The following ACAD8 variants were observed in gnomAD, a reference collection of about 807,000 sequenced individuals.
ACAD8 encodes the protein isobutyryl-CoA dehydrogenase, mitochondrial.
Under a neutral mutation model 53.1 loss-of-function variants are expected in ACAD8, and 47 were observed. That is an observed-to-expected ratio of 0.89 (90% confidence interval 0.70 to 1.13). ACAD8 has a LOEUF of 1.13. Among genes scored for constraint, ACAD8 ranks in the 50% most tolerant of loss-of-function variants. The pLI is 0.00. For missense variants in ACAD8, 494 were observed against 535.0 expected, an observed-to-expected ratio of 0.92 and a Z score of 0.76; for synonymous variants, 198 against 201.3, an observed-to-expected ratio of 0.98 and a Z score of 0.14.
At chr11:134,262,221 A>G (rs2136083946) in intron 9 of ACAD8, 1 of 646,924 alleles carries the variant, frequency 1.5e-6, no homozygotes, top group Non-Finnish European at 2.9e-6. Context: ...ACTAGGGGGA[A>G]CCATAGCTTT....
rs1337484908 is a variant in ACAD8 at position 134,263,543 on chromosome 11, CA to C, written c.1195+922del. The C allele has an allele frequency of 4.1e-6, 4 of 985,536 alleles. No homozygotes were observed. The East Asian group carries it at 4.5e-4, about 112-fold the overall frequency. 61.0% of individuals were successfully genotyped at this position (985,536 alleles called of 1,614,324 possible). ...CGCTCTGGTGTTAATGTCAGAGTCA[CA>C]GGCTACCACAGGTTAGACCGCTGCT... On this transcript the variant is annotated intron_variant, in intron 10 of 10. Coordinates refer to ENST00000281182, the MANE Select transcript of ACAD8 (RefSeq NM_014384.3).
chr11:134,265,042 G>C lies in ACAD8; in HGVS notation c.*82G>C, dbSNP rs964955100. 1.7e-4 allele frequency: 251 copies of C among 1,469,904 alleles called. No homozygotes were observed. In the Admixed American group the frequency reaches 4.1e-3, roughly 24 times the overall value. 91.1% of individuals were successfully genotyped at this position (1,469,904 alleles called of 1,614,324 possible). A position where few individuals can be genotyped will look rare whatever the true frequency, so the allele number is the denominator to read the frequency against. ...GCCATGTGGGCCGCTCTATTCCAAAGGAATCATGGATTAGACCCAAGGGCT... is the reference window on the plus strand; with the variant it reads ...GCCATGTGGGCCGCTCTATTCCAAACGAATCATGGATTAGACCCAAGGGCT... On this transcript the variant is annotated 3_prime_UTR_variant, in exon 11 of 11. Transcript: ENST00000281182.
In ACAD8 at chr11:134,261,774, C is replaced by T. The variant is rs914784637; in HGVS notation, c.976C>T (p.Leu326=). ...CACACTGGCTGATATGGCAACAAGG[C>T]TGGTGGCCGCGCGGCTGATGGTCCG... is the stretch of plus-strand genomic sequence containing the variant. The part of the protein sequence containing the change: ...QFTLADMATR[L]VAARLMVRNA... The change falls in exon 9 of 11, where the codon CTG becomes TTG. Residue 326 remains leucine (L), a synonymous_variant. Transcript: ENST00000281182. The surrounding 1 kb of genome is among the most constrained non-coding windows in gnomAD (Gnocchi z 4.2). 1.2e-6 allele frequency: 2 copies of T among 1,614,112 alleles called. No homozygotes were observed. The highest frequency in any genetic ancestry group is 1.7e-5 in the Admixed American group (1 of 60,010).
chr11:134,253,695 C>T lies in ACAD8; in HGVS notation c.95C>T (p.Thr32Ile). The T allele has an allele frequency of 6.3e-7, 1 of 1,598,718 alleles. No homozygotes were observed. The highest frequency in any genetic ancestry group is 8.5e-7 in the Non-Finnish European group (1 of 1,173,652). ...GTCCAGACCGGCCACCGGAGCTTGA[C>T]CTCCTGCATCGACCGTAAGGATCTC... ...VLVQTGHRSLTSCIDPSMGLN... is the reference protein window; with the variant it reads ...VLVQTGHRSLISCIDPSMGLN... Residue 32 changes from threonine (T) to isoleucine (I), a missense_variant, in exon 1 of 11, where the codon ACC becomes ATC. Transcript: ENST00000281182.
intron 1 of ACAD8, among the ~76,000 whole-genome samples, chr11:134,255,575 C>T (rs1939481467): frequency 6.6e-6 from 1 of 152,250 alleles, no homozygotes; most frequent in African/African-American, 2.4e-5. Context: ...GGCCTGACCC[C>T]AGTCAGAGAA....
intron 6 of ACAD8, chr11:134,259,951 T>TG: frequency 7.0e-7 from 1 of 1,427,568 alleles, no homozygotes; most frequent in South Asian, 1.3e-5. Flanking sequence ...TGACAATGTT[T>TG]GCCAGTAAAT....
rs1272873314 is a variant in ACAD8, at chr11:134,265,804, C to A, written c.*844C>A. 2 of 152,130 alleles carry A rather than the reference C, an allele frequency of 1.3e-5. No homozygotes were observed. Among genetic ancestry groups the A allele is most frequent in the Non-Finnish European group, 2.9e-5 (2 of 68,028 alleles). 9.4% of individuals were successfully genotyped at this position (152,130 alleles called of 1,614,324 possible). On this transcript the variant is annotated 3_prime_UTR_variant, in exon 11 of 11. Coordinates refer to ENST00000281182, the MANE Select transcript of ACAD8 (RefSeq NM_014384.3). ...ATGTTTAATTGTATTTGATTAAACA[C>A]TTAACTGGATTTTGGAATAATAAAA...
chr11:134,256,551 C>A lies in ACAD8; in HGVS notation c.113C>A (p.Ser38Tyr). ...HRSLTSCIDPSMGLNEEQKEF... is the reference protein window; with the variant it reads ...HRSLTSCIDPYMGLNEEQKEF... The stretch of plus-strand genomic sequence containing the variant: ...GTATATGCAATCCTGCCCACAGCTT[C>A]CATGGGACTTAATGAAGAGCAGAAA... The change falls in exon 2 of 11, where the codon TCC becomes TAC. Residue 38 changes from serine (S) to tyrosine (Y), a missense_variant. Ser to Tyr is a moderately radical substitution (Grantham distance 144, BLOSUM62 -2). Transcript: ENST00000281182. The A allele has an allele frequency of 6.2e-7, 1 of 1,614,016 alleles. No individual in the cohort carries two copies. Among genetic ancestry groups the A allele is most frequent in the Non-Finnish European group, 8.5e-7 (1 of 1,179,872 alleles).
chr11:134,261,532 A>G lies in ACAD8; in HGVS notation c.939+160A>G. On this transcript the variant is annotated intron_variant, in intron 8 of 10. Transcript: ENST00000281182. The surrounding 1 kb of genome is among the most constrained non-coding windows in gnomAD (Gnocchi z 4.2). ...TTATTTCTGTCCATCTTTTCTTGGG[A>G]TATCTTTAACGATATTAAAGTGTCG... 6.7e-7 allele frequency: 1 copy of G among 1,501,264 alleles called. No homozygotes were observed. The highest frequency in any genetic ancestry group is 9.1e-7 in the Non-Finnish European group (1 of 1,104,458). The allele number at this position is 1,501,264 out of a possible 1,614,324, so 93.0% of individuals were successfully genotyped here. A position where few individuals can be genotyped will look rare whatever the true frequency, so the allele number is the denominator to read the frequency against.
intron 9 of ACAD8, chr11:134,262,164 C>G (rs1939919099): frequency 1.5e-6 from 1 of 663,184 alleles, no homozygotes; most frequent in African/African-American, 1.8e-5. Context: ...TTCACAGCAG[C>G]CCCAATTTAG....
rs144566960 is a variant in ACAD8, at chr11:134,261,301, G to A, written c.868G>A (p.Ala290Thr). 6.2e-6 allele frequency: 10 copies of A among 1,614,148 alleles called. No homozygotes were observed. Among genetic ancestry groups the A allele is most frequent in the Middle Eastern group, 1.6e-4 (1 of 6,062 alleles). ...IASCSLGAAH[A>T]SVILTRDHLN... Reference sequence around the variant, plus strand: ...TTCCTGCTCCCTGGGGGCTGCCCACGCCTCTGTCATCCTCACCCGAGACCA... The same window carrying A: ...TTCCTGCTCCCTGGGGGCTGCCCACACCTCTGTCATCCTCACCCGAGACCA... The change falls in exon 8 of 11, where the codon GCC becomes ACC. Residue 290 changes from alanine (A) to threonine (T), a missense_variant. Transcript: ENST00000281182. This position sits in a 1 kb window ranked among gnomAD's most constrained non-coding sequence, Gnocchi z 4.2.
chr11:134,262,837 T>C (rs1409356127), intron 10 of ACAD8: 11 of 1,441,758 alleles, frequency 7.6e-6, no homozygotes, highest in East Asian at 3.1e-5. Context: ...CTCAGATCGC[T>C]CTGCTGCTGC....
At chr11:134,263,055 G>A in intron 10 of ACAD8, 1 of 1,175,440 alleles carries the variant, frequency 8.5e-7, no homozygotes, top group Non-Finnish European at 1.1e-6. Flanking sequence ...AAAGATACCT[G>A]TCTCAATATT....
intron 6 of ACAD8, 120 bp downstream of exon 6, chr11:134,259,865 T>G (rs1306393915): frequency 1.3e-6 from 2 of 1,548,954 alleles, no homozygotes; most frequent in East Asian, 2.3e-5. Context: ...TTGAAGCAGT[T>G]GCTTCTATTA....
rs1940119272 is a variant in ACAD8, at chr11:134,265,312, T to TC, written c.*354dup. The TC allele has an allele frequency of 3.4e-5, 10 of 291,390 alleles. No individual in the cohort carries two copies. In the South Asian group the frequency reaches 5.4e-4, roughly 16 times the overall value. 18.1% of individuals were successfully genotyped at this position (291,390 alleles called of 1,614,324 possible). A position where few individuals can be genotyped will look rare whatever the true frequency, so the allele number is the denominator to read the frequency against. ...GCATTTTACTAGTTCACTGGATCCC[T>TC]CCTCTAGGGGCCTGGGGACTTTCAC... On this transcript the variant is annotated 3_prime_UTR_variant, in exon 11 of 11. Coordinates refer to ENST00000281182, the MANE Select transcript of ACAD8 (RefSeq NM_014384.3).
chr11:134,261,985 T>G lies in ACAD8; in HGVS notation c.1092+95T>G. 7.1e-7 allele frequency: 1 copy of G among 1,408,756 alleles called. No individual in the cohort carries two copies. The highest frequency in any genetic ancestry group is 1.2e-5 in the South Asian group (1 of 83,318). The allele number at this position is 1,408,756 out of a possible 1,614,324, so 87.3% of individuals were successfully genotyped here. On this transcript the variant is annotated intron_variant, in intron 9 of 10. Coordinates refer to ENST00000281182, the MANE Select transcript of ACAD8 (RefSeq NM_014384.3). The surrounding 1 kb of genome is among the most constrained non-coding windows in gnomAD (Gnocchi z 4.2). ...ATGAGTCAGATTTGGAACCCAGCCC[T>G]CCTGGAATCCCACAAGGATCACCTT...
intron 3 of ACAD8, 151 bp from the exon 4 acceptor site, chr11:134,258,363 TA>T (rs1301783813): frequency 1.4e-6 from 1 of 691,516 alleles, no homozygotes; most frequent in Non-Finnish European, 2.6e-6. Flanking sequence ...CGTTTGCCTT[TA>T]AAGAGTCTTC....
chr11:134,261,015 G>A lies in ACAD8; in HGVS notation c.706-29G>A. On this transcript the variant is annotated intron_variant, in intron 6 of 10. Coordinates refer to ENST00000281182, the MANE Select transcript of ACAD8 (RefSeq NM_014384.3). The surrounding 1 kb of genome is among the most constrained non-coding windows in gnomAD (Gnocchi z 4.2). ...GCCGCCCTACCTGCTGGATTGTTGG[G>A]CAACCACGCAGTCCCTGATTTTTGC... 6.2e-7 allele frequency: 1 copy of A among 1,609,544 alleles called. No individual in the cohort carries two copies. The highest frequency in any genetic ancestry group is 8.5e-7 in the Non-Finnish European group (1 of 1,178,004).
Position 134,257,107 on chromosome 11 carries a change from T to C in ACAD8, c.230T>C (p.Val77Ala). The C allele has an allele frequency of 1.9e-6, 3 of 1,614,188 alleles. No individual in the cohort carries two copies. In the South Asian group the frequency reaches 3.3e-5, roughly 18 times the overall value. Reference sequence around the variant, plus strand: ...ACATAGGAGCTGTTCCCAGTGGATGTGATGCGGAAGGCAGCCCAGCTAGGC... The same window carrying C: ...ACATAGGAGCTGTTCCCAGTGGATGCGATGCGGAAGGCAGCCCAGCTAGGC... ...WDQKELFPVD[V>A]MRKAAQLGFG... Residue 77 changes from valine to alanine, a missense_variant, in exon 3 of 11, where the codon GTG (valine) becomes GCG (alanine). Coordinates refer to ENST00000281182, the MANE Select transcript of ACAD8 (RefSeq NM_014384.3).
Sources: gnomAD v4.1 joint callset for allele counts (sites outside exome capture counted in the v4.1 genomes callset) on GRCh38, gnomAD v4.1.1 for gene constraint, Gnocchi (gnomAD v3.1) non-coding constraint, MANE v1.5 for transcripts, NCBI Gene and HGNC (gene_info 2026-07-23, HGNC 2026-07-21) for gene names.